PSD3: variants seen among roughly 807,000 people sequenced by gnomAD.
The protein encoded by PSD3 is pleckstrin and Sec7 domain containing 3.
PSD3 carries 49 observed loss-of-function variants against 105.5 expected under a neutral mutation model. The observed-to-expected ratio is 0.46, with a 90% CI of 0.37 to 0.59. The LOEUF is 0.59. PSD3 is among the 20% of genes least tolerant of loss of function. The pLI, the probability that PSD3 is intolerant of heterozygous loss-of-function variation, is 0.00. For synonymous variants in PSD3, 557 were observed against 457.8 expected, an observed-to-expected ratio of 1.22 and a Z score of -2.77; for missense variants, 1,561 against 1,263.8, an observed-to-expected ratio of 1.24 and a Z score of -3.57.
chr8:18,590,813 A>G (rs767256804), intron 12 of PSD3, among the ~76,000 whole-genome samples: 2 of 152,194 alleles, frequency 1.3e-5, no homozygotes, highest in African/African-American at 4.8e-5. Context: ...AAGAAACAAA[A>G]CCATAATTAC....
At chr8:18,895,994 T>C (rs1352428031) in intron 2 of PSD3, among the ~76,000 whole-genome samples, 2 of 152,218 alleles carry the variant, frequency 1.3e-5, no homozygotes, top group Non-Finnish European at 2.9e-5. Context: ...CTGCCTCTAG[T>C]AACCACTATT....
intron 4 of PSD3, chr8:18,808,817 T>C (rs757048346): frequency 6.2e-7 from 1 of 1,613,546 alleles, no homozygotes; most frequent in South Asian, 1.1e-5. Context: ...TGGACCATCC[T>C]TCCTCTCCGA....
chr8:18,558,368 T>C (rs1461822614), intron 14 of PSD3, among the ~76,000 whole-genome samples: 1 of 152,102 alleles, frequency 6.6e-6, no homozygotes, highest in Non-Finnish European at 1.5e-5. Context: ...GTTTTAAATA[T>C]ATAAAAAGTC....
intron 9 of PSD3, among the ~76,000 whole-genome samples, chr8:18,685,853 AT>A (rs990064887): frequency 2.6e-5 from 4 of 152,158 alleles, no homozygotes; most frequent in African/African-American, 9.7e-5. Context: ...AAAGATAAAA[AT>A]TCAAAATGTC....
intron 15 of PSD3, 89 bp from the exon 16 acceptor site, chr8:18,536,047 T>C: frequency 8.0e-7 from 1 of 1,249,044 alleles, no homozygotes; most frequent in Non-Finnish European, 1.1e-6. Context: ...ACCTGGAGAG[T>C]GTGAATGGCT....
intron 1 of PSD3, among the ~76,000 whole-genome samples, chr8:19,042,533 T>G (rs61203870): frequency 0.097 from 14,850 of 152,324 alleles, 911 homozygotes; most frequent in Non-Finnish European, 0.15. Context: ...TTTTTGTGTT[T>G]TGTTTTTCAA....
At chr8:18,788,027 ACTGGGTTTGG>A (rs1809348429) in intron 8 of PSD3, among the ~76,000 whole-genome samples, 1 of 152,242 alleles carries the variant, frequency 6.6e-6, no homozygotes, top group Admixed American at 6.5e-5. Context: ...GATGTAAACA[ACTGGGTTTGG>A]CTATTTACGA....
chr8:18,792,594 G>A (rs1472882985), intron 8 of PSD3, among the ~76,000 whole-genome samples: 1 of 152,140 alleles, frequency 6.6e-6, no homozygotes, highest in Non-Finnish European at 1.5e-5. Flanking sequence ...AAGAACATCA[G>A]GAAGAACAGC....
chr8:18,723,955 C>T (rs1311775342), intron 9 of PSD3, among the ~76,000 whole-genome samples: 2 of 152,132 alleles, frequency 1.3e-5, no homozygotes, highest in Admixed American at 1.3e-4. Flanking sequence ...CCTAAGGAAG[C>T]TTCCAGTAGT....
intron 3 of PSD3, among the ~76,000 whole-genome samples, chr8:18,870,044 G>A (rs1278745789): frequency 6.6e-6 from 1 of 152,126 alleles, no homozygotes; most frequent in African/African-American, 2.4e-5. Flanking sequence ...TGGGCCACAT[G>A]CCACATATCA....
chr8:18,634,551 T>G (rs184016362), intron 10 of PSD3, among the ~76,000 whole-genome samples: 8 of 152,290 alleles, frequency 5.3e-5, no homozygotes, highest in Non-Finnish European at 1.0e-4. Flanking sequence ...ATCCTATCCA[T>G]GATCCCACAG....
intron 15 of PSD3, 88 bp downstream of exon 15, chr8:18,556,121 G>C: frequency 6.8e-7 from 1 of 1,465,184 alleles, no homozygotes; most frequent in Non-Finnish European, 9.2e-7. Flanking sequence ...GCCTCTCTCA[G>C]TGACACTGCA....
rs147004218 is a variant in PSD3, at chr8:19,026,278, C to G, written c.324+57928G>C. Among the ~76,000 whole-genome samples the G allele has an allele frequency of 2.6e-5, 4 of 152,262 alleles. No homozygotes were observed. In the East Asian group the frequency reaches 7.7e-4, roughly 29 times the overall value. On this transcript the variant is annotated intron_variant, in intron 1 of 1. Coordinates refer to the PSD3 transcript ENST00000521475. The stretch of plus-strand genomic sequence containing the variant: ...ATATTCTTAGGCTTTCATTTCTTTT[C>G]TCTGAATAGGAAGGATGGCCTTTTT...
intron 9 of PSD3, among the ~76,000 whole-genome samples, chr8:18,736,349 A>G (rs1804150621): frequency 6.6e-6 from 1 of 152,206 alleles, no homozygotes; most frequent in African/African-American, 2.4e-5. Flanking sequence ...TACTGAAAGA[A>G]TCAAATGTGT....
chr8:18,710,134 T>G (rs185323848), intron 9 of PSD3, among the ~76,000 whole-genome samples: 5 of 152,076 alleles, frequency 3.3e-5, no homozygotes, highest in African/African-American at 1.2e-4. Flanking sequence ...AATAACCCGT[T>G]TAGAGAGGAA....
At chr8:19,008,905 G>C (rs1017876668) in intron 1 of PSD3, among the ~76,000 whole-genome samples, 2 of 152,124 alleles carry the variant, frequency 1.3e-5, no homozygotes, top group African/African-American at 4.8e-5. Context: ...CCCAGCTCAT[G>C]GGAAGAAATA....
chr8:18,844,805 C>T (rs1403084563), intron 4 of PSD3, among the ~76,000 whole-genome samples: 1 of 152,212 alleles, frequency 6.6e-6, no homozygotes, highest in African/African-American at 2.4e-5. Context: ...AGAGAAGAAT[C>T]GTACAGCCAA....
At chr8:18,783,431 T>TA (rs1808830896) in intron 8 of PSD3, among the ~76,000 whole-genome samples, 1 of 150,018 alleles carries the variant, frequency 6.7e-6, no homozygotes, top group Admixed American at 6.6e-5. Flanking sequence ...GCTTTTTCTC[T>TA]ATTACTCTTC....
At chr8:18,975,822 T>G (rs1049571545) in intron 1 of PSD3, among the ~76,000 whole-genome samples, 1 of 151,002 alleles carries the variant, frequency 6.6e-6, no homozygotes, top group Admixed American at 6.6e-5. Context: ...TGCTAACTCA[T>G]AAAAAAAAAT....
Sources: gnomAD v4.1 joint callset for allele counts (sites outside exome capture counted in the v4.1 genomes callset) on GRCh38, gnomAD v4.1.1 for gene constraint, MANE v1.5 for transcripts, NCBI Gene and HGNC (gene_info 2026-07-23, HGNC 2026-07-21) for gene names.